The following GPR39 variants were observed in gnomAD, a reference collection of about 807,000 sequenced individuals.
GPR39 encodes the protein G protein-coupled receptor 39.
GPR39 carries 23 observed loss-of-function variants against 18.4 expected under a neutral mutation model. That is an observed-to-expected ratio of 1.25 (90% CI 0.90 to 1.77). The LOEUF (loss-of-function observed/expected upper bound fraction) is 1.77. Among genes scored for constraint, GPR39 ranks in the 40% most tolerant of loss-of-function variants. The pLI is 0.00. For synonymous variants in GPR39, 280 were observed against 257.9 expected (o/e 1.09, Z -0.82); for missense variants, 647 against 602.4 (o/e 1.07, Z -0.78).
intron 1 of GPR39, among the ~76,000 whole-genome samples, chr2:132,426,847 A>G (rs1309233626): frequency 2.6e-5 from 4 of 152,052 alleles, no homozygotes; most frequent in Non-Finnish European, 5.9e-5. Context: ...TGCAGCATCA[A>G]AGTTGCCATT....
chr2:132,509,643 C>G (rs1679204225), intron 1 of GPR39, among the ~76,000 whole-genome samples: 1 of 152,192 alleles, frequency 6.6e-6, no homozygotes, highest in South Asian at 2.1e-4. Context: ...CTCTGACTTT[C>G]AGGTTACTCA....
chr2:132,417,574 T>A lies in GPR39; in HGVS notation c.532T>A (p.Tyr178Asn). Residue 178 changes from tyrosine to asparagine, a missense_variant, in exon 1 of 2, where the codon TAC becomes AAC. This residue lies in a region of GPR39 where 581 missense variants were observed against 506.8 expected (regional missense o/e 1.15). Coordinates refer to ENST00000329321, the MANE Select transcript of GPR39 (RefSeq NM_001508.3). Reference protein sequence around the residue: ...LPLLFAMGTEYPLVNVPSHRG... With the variant: ...LPLLFAMGTENPLVNVPSHRG... The stretch of plus-strand genomic sequence containing the variant: ...CTTGCTGTTTGCCATGGGTACTGAG[T>A]ACCCCCTGGTGAACGTGCCCAGCCA... 1 of 1,614,048 alleles carries A rather than the reference T, an allele frequency of 6.2e-7. No individual in the cohort carries two copies. The highest frequency in any genetic ancestry group is 8.5e-7 in the Non-Finnish European group (1 of 1,180,012).
chr2:132,528,880 C>G (rs1260620623), intron 1 of GPR39, among the ~76,000 whole-genome samples: 1 of 152,066 alleles, frequency 6.6e-6, no homozygotes, highest in East Asian at 1.9e-4. Context: ...CAAATCAATC[C>G]TGGGGGTGGA....
chr2:132,477,654 A>G (rs13422600), intron 1 of GPR39, among the ~76,000 whole-genome samples: 6,154 of 152,270 alleles, frequency 0.04, 433 homozygotes, highest in African/African-American at 0.14. Flanking sequence ...ACATGGCCAC[A>G]TCCATTCACT....
intron 1 of GPR39, among the ~76,000 whole-genome samples, chr2:132,574,432 A>C (rs1267936371): frequency 6.6e-6 from 1 of 152,130 alleles, no homozygotes; most frequent in Non-Finnish European, 1.5e-5. Flanking sequence ...AACTCTTTAT[A>C]TGTTAAGTAT....
chr2:132,541,530 T>G (rs2104786005), intron 1 of GPR39, among the ~76,000 whole-genome samples: 1 of 152,338 alleles, frequency 6.6e-6, no homozygotes, highest in African/African-American at 2.4e-5. Flanking sequence ...GCTCTCTCCT[T>G]CCTCATTGAC....
chr2:132,528,979 G>A lies in GPR39; in HGVS notation c.856+111081G>A, dbSNP rs1239073930. On this transcript the variant is annotated intron_variant, in intron 1 of 1. Transcript: ENST00000329321. Reference sequence around the variant, plus strand: ...AGGTGATTTCTGCATTTCCAACTGAGGTACCAGGTTCATCTCACTGGGGAG... The same window carrying A: ...AGGTGATTTCTGCATTTCCAACTGAAGTACCAGGTTCATCTCACTGGGGAG... 1.3e-5 allele frequency among the ~76,000 whole-genome samples: 2 copies of A among 152,146 alleles called. 1 individual carries two copies. The highest frequency in any genetic ancestry group is 6.3e-3 in the Middle Eastern group (2 of 316).
At chr2:132,427,533 A>G (rs1680149526) in intron 1 of GPR39, among the ~76,000 whole-genome samples, 1 of 150,804 alleles carries the variant, frequency 6.6e-6, no homozygotes, top group Non-Finnish European at 1.5e-5. Context: ...ATGTAATATA[A>G]CATAATATCT....
At chr2:132,497,538 C>T (rs1402907604) in intron 1 of GPR39, among the ~76,000 whole-genome samples, 1 of 152,130 alleles carries the variant, frequency 6.6e-6, no homozygotes, top group Non-Finnish European at 1.5e-5. Context: ...CCTCTCTTGC[C>T]CATATATCAC....
At chr2:132,469,135 C>G (rs1024162453) in intron 1 of GPR39, among the ~76,000 whole-genome samples, 2 of 152,190 alleles carry the variant, frequency 1.3e-5, no homozygotes, top group Non-Finnish European at 2.9e-5. Flanking sequence ...TCCGTTGTGT[C>G]TTTCCCTTGG....
intron 1 of GPR39, among the ~76,000 whole-genome samples, chr2:132,629,810 G>A (rs1199617577): frequency 6.6e-6 from 1 of 152,200 alleles, no homozygotes; most frequent in Non-Finnish European, 1.5e-5. Context: ...GAGGGTGTGG[G>A]ATTGTATCTC....
At chr2:132,424,658 C>G (rs1680078604) in intron 1 of GPR39, among the ~76,000 whole-genome samples, 1 of 152,152 alleles carries the variant, frequency 6.6e-6, no homozygotes, top group African/African-American at 2.4e-5. Flanking sequence ...GGAATTTATC[C>G]TTGGAAGCCA....
At position 132,417,336 on chromosome 2, in the gene GPR39, C is replaced by T. The variant is rs144885991; in HGVS notation, c.294C>T (p.Pro98=). 1 of 1,614,134 alleles carries T rather than the reference C, an allele frequency of 6.2e-7. No individual in the cohort carries two copies. ...PMEFYSIIWN[P]LTTSSYTLSC... ...AGTTCTACAGCATCATCTGGAATCC[C>T]CTGACCACGTCCAGCTACACCCTGT... Residue 98 remains proline, a synonymous_variant, in exon 1 of 2, where the codon CCC becomes CCT. Transcript: ENST00000329321.
rs1558871347 is a variant in GPR39 at position 132,645,523 on chromosome 2, A to G, written c.1279A>G (p.Ser427Gly). ...GCCCCAGTCTAAGTCCCAGTCATTG[A>G]GTCTCGAGTCACTAGAGCCCAACTC... Reference protein sequence around the residue: ...AEPQSKSQSLSLESLEPNSGA... With the variant: ...AEPQSKSQSLGLESLEPNSGA... The change falls in exon 2 of 2, where the codon AGT becomes GGT. Residue 427 changes from serine (S) to glycine (G), a missense_variant. Around this residue, in one of 3 missense-constraint regions of GPR39, gnomAD observed 581 missense variants for 506.8 expected, o/e 1.15. Transcript: ENST00000329321. 2 of 1,614,174 alleles carry G rather than the reference A, an allele frequency of 1.2e-6. No individual in the cohort carries two copies. The highest frequency in any genetic ancestry group is 1.1e-5 in the South Asian group (1 of 91,086).
chr2:132,609,791 C>T (rs771222266), intron 1 of GPR39, among the ~76,000 whole-genome samples: 1 of 152,186 alleles, frequency 6.6e-6, no homozygotes, highest in Non-Finnish European at 1.5e-5. Context: ...CTTTCCCGCT[C>T]AACCTCAAGA....
At chr2:132,493,021 T>C (rs977171227) in intron 1 of GPR39, among the ~76,000 whole-genome samples, 9 of 130,512 alleles carry the variant, frequency 6.9e-5, no homozygotes, top group Admixed American at 2.3e-4. Flanking sequence ...CTATATATAC[T>C]ATATATATAC....
intron 1 of GPR39, among the ~76,000 whole-genome samples, chr2:132,628,024 T>C (rs956223827): frequency 6.6e-6 from 1 of 152,194 alleles, no homozygotes; most frequent in Non-Finnish European, 1.5e-5. Flanking sequence ...GGGCTTCTGG[T>C]TGTGGTTCTC....
chr2:132,454,589 A>G (rs923127669), intron 1 of GPR39, among the ~76,000 whole-genome samples: 3 of 152,020 alleles, frequency 2.0e-5, no homozygotes, highest in Non-Finnish European at 4.4e-5. Flanking sequence ...TCCAGTTTTT[A>G]CCCATTCAGT....
At chr2:132,608,637 A>T (rs1011599685) in intron 1 of GPR39, among the ~76,000 whole-genome samples, 3 of 152,154 alleles carry the variant, frequency 2.0e-5, no homozygotes, top group Admixed American at 6.5e-5. Flanking sequence ...GCAAACAATA[A>T]AGTAGCCTGG....
Sources: allele counts gnomAD v4.1 joint callset (sites outside exome capture counted in the v4.1 genomes callset), GRCh38; gene constraint gnomAD v4.1.1; regional missense constraint gnomAD v4.1.1; transcripts MANE v1.5; gene names NCBI Gene and HGNC (gene_info 2026-07-23, HGNC 2026-07-21).